Variants in ZGPAT observed in about 807,000 individuals in gnomAD.
The protein encoded by ZGPAT is zinc finger CCCH-type and G-patch domain containing.
ZGPAT carries 39 observed loss-of-function variants against 47.9 expected under a neutral mutation model. The ratio of observed to expected loss-of-function variants is 0.81; its 90% CI spans 0.63 to 1.06. The LOEUF is 1.06. Ranked by LOEUF, ZGPAT falls within the 50% of genes least tolerant of loss-of-function variation. The probability of loss-of-function intolerance (pLI) is 0.00; values close to 1 mark genes in which losing one functional copy is unlikely to be tolerated. For missense variants in ZGPAT, 717 were observed against 681.4 expected (o/e 1.05, Z -0.58); for synonymous variants, 348 against 292.9 (o/e 1.19, Z -1.92).
At chr20:63,715,833 T>TAG (rs35733523) in intron 2 of ZGPAT, among the ~76,000 whole-genome samples, 13 of 150,716 alleles carry the variant, frequency 8.6e-5, no homozygotes, top group Admixed American at 1.3e-4. Context: ...CAATCATATA[T>TAG]AGAGAGAGAG....
intron 2 of ZGPAT, 105 bp downstream of exon 2, chr20:63,709,269 T>C: frequency 7.8e-7 from 1 of 1,278,376 alleles, no homozygotes; most frequent in Non-Finnish European, 1.1e-6. Context: ...TTGTCTCAGC[T>C]TCCTGGGGCA....
chr20:63,723,409 TTCTCCTATGACACAGCTCCATCCTCC>T, intron 2 of ZGPAT, among the ~76,000 whole-genome samples: 2 of 143,548 alleles, frequency 1.4e-5, no homozygotes, highest in Admixed American at 6.9e-5. Flanking sequence ...CCATCCTCCC[TTCTCCTATGACACAGCTCCATCCTCC>T]CTTCTCCTCT....
At chr20:63,708,473 ACGTGCC>A (rs144352421) in intron 1 of ZGPAT, 74 bp from the exon 2 acceptor site, 71,143 of 998,904 alleles carry the variant, frequency 0.071, 2,750 homozygotes, top group African/African-American at 0.11. Context: ...GGGAAAGGGG[ACGTGCC>A]CGTGCCCGTG....
intron 2 of ZGPAT, among the ~76,000 whole-genome samples, chr20:63,715,514 C>T (rs2091718226): frequency 6.6e-6 from 1 of 152,072 alleles, no homozygotes. Flanking sequence ...GCTGGGATTA[C>T]AGGCGTGAGC....
chr20:63,732,655 T>TGC (rs2091926358), intron 2 of ZGPAT, among the ~76,000 whole-genome samples: 1 of 146,320 alleles, frequency 6.8e-6, no homozygotes, highest in Non-Finnish European at 1.5e-5. Flanking sequence ...TGTTAATGTG[T>TGC]GTGTACATGT....
intron 2 of ZGPAT, among the ~76,000 whole-genome samples, chr20:63,716,947 G>T (rs1280537381): frequency 1.3e-5 from 2 of 152,202 alleles, no homozygotes; most frequent in African/African-American, 2.4e-5. Flanking sequence ...CTCCCAAAGT[G>T]CTGGGATTAT....
intron 2 of ZGPAT, among the ~76,000 whole-genome samples, chr20:63,724,376 AAAAAG>A (rs1310920442): frequency 1.4e-4 from 21 of 151,096 alleles, no homozygotes; most frequent in South Asian, 6.3e-4. Flanking sequence ...AAAAAAAAAA[AAAAAG>A]AAAAGAAAAG....
intron 2 of ZGPAT, among the ~76,000 whole-genome samples, chr20:63,726,187 T>C (rs548307960): frequency 2.5e-4 from 36 of 144,414 alleles, no homozygotes; most frequent in South Asian, 2.2e-3. Flanking sequence ...AAATCTGCCG[T>C]TGAGTACATC....
chr20:63,721,440 A>C (rs2091786937), intron 2 of ZGPAT, among the ~76,000 whole-genome samples: 2 of 151,646 alleles, frequency 1.3e-5, no homozygotes, highest in Non-Finnish European at 2.9e-5. Flanking sequence ...AGTGTCCGCC[A>C]GGCTGTTCAC....
At chr20:63,730,018 G>GCACACACACACACACACACACA (rs112508718) in intron 2 of ZGPAT, 51 of 147,062 alleles carry the variant, frequency 3.5e-4, no homozygotes, top group African/African-American at 1.1e-3. Flanking sequence ...AGACTCTACT[G>GCACACACACACACACACACACA]CGCACACACA....
intron 2 of ZGPAT, among the ~76,000 whole-genome samples, chr20:63,732,578 C>T (rs1456775910): frequency 4.0e-5 from 6 of 151,794 alleles, no homozygotes; most frequent in Non-Finnish European, 8.8e-5. Context: ...TGCATGAGTT[C>T]ATGTGTGAGT....
intron 2 of ZGPAT, among the ~76,000 whole-genome samples, chr20:63,719,844 G>T (rs2091769258): frequency 6.6e-6 from 1 of 151,472 alleles, no homozygotes; most frequent in African/African-American, 2.4e-5. Flanking sequence ...GGGTTCAAGT[G>T]ATTCTCCTGC....
chr20:63,709,273 TG>T, intron 2 of ZGPAT, 109 bp downstream of exon 2: 1 of 1,229,792 alleles, frequency 8.1e-7, no homozygotes, highest in Non-Finnish European at 1.2e-6. Flanking sequence ...CTCAGCTTCC[TG>T]GGGCAGGCGT....
chr20:63,709,055 G>A lies in ZGPAT; in HGVS notation c.475G>A (p.Glu159Lys), dbSNP rs749451851. 25 of 1,613,620 alleles carry A rather than the reference G, an allele frequency of 1.5e-5. No homozygotes were observed. In the South Asian group the frequency reaches 2.7e-4, roughly 18 times the overall value. Reference protein sequence around the residue: ...NAMVVGTEEAEDGSAGVRVLY... With the variant: ...NAMVVGTEEAKDGSAGVRVLY... ...CATGGTGGTGGGAACGGAAGAGGCG[G>A]AGGATGGCTCGGCGGGTGTCCGTGT... The change falls in exon 2 of 7, where the codon GAG (glutamate) becomes AAG (lysine). Residue 159 changes from glutamate (E) to lysine (K), a missense_variant. Transcript: ENST00000355969.
chr20:63,718,139 G>A (rs6089961), intron 2 of ZGPAT, among the ~76,000 whole-genome samples: 30,404 of 151,736 alleles, frequency 0.2, 3,945 homozygotes, highest in East Asian at 0.62. Context: ...CTACTGCCTC[G>A]GCCTCCCAAA....
chr20:63,733,922 A>G, intron 4 of ZGPAT, 183 bp downstream of exon 4: 1 of 729,888 alleles, frequency 1.4e-6, no homozygotes, highest in Non-Finnish European at 2.2e-6. Context: ...CTTTATCTTC[A>G]AGGAGTGTGG....
chr20:63,722,843 C>G (rs2091802348), intron 2 of ZGPAT, among the ~76,000 whole-genome samples: 2 of 152,140 alleles, frequency 1.3e-5, no homozygotes, highest in African/African-American at 4.8e-5. Context: ...GTTGGTCAGG[C>G]TGGTCTCGAA....
intron 2 of ZGPAT, among the ~76,000 whole-genome samples, chr20:63,715,297 T>A (rs1221100845): frequency 6.7e-6 from 1 of 148,168 alleles, no homozygotes; most frequent in East Asian, 2.0e-4. Context: ...CTGGAGTGAG[T>A]GGCGCGATCT....
intron 2 of ZGPAT, among the ~76,000 whole-genome samples, chr20:63,732,732 ATGTC>A (rs754135687): frequency 2.8e-4 from 41 of 147,200 alleles, no homozygotes; most frequent in East Asian, 6.1e-4. Flanking sequence ...GTATATGTGT[ATGTC>A]TGTATATGTG....
Sources: gnomAD v4.1 joint callset for allele counts (sites outside exome capture counted in the v4.1 genomes callset) on GRCh38, gnomAD v4.1.1 for gene constraint, MANE v1.5 for transcripts, NCBI Gene and HGNC (gene_info 2026-07-23, HGNC 2026-07-21) for gene names.